PCDHGB1: variants seen among roughly 807,000 people sequenced by gnomAD.
The protein encoded by PCDHGB1 is protocadherin gamma subfamily B, 1.
In PCDHGB1, 34 loss-of-function variants were observed where a neutral mutation model predicts 56.6. The observed-to-expected ratio is 0.60, with a 90% CI of 0.46 to 0.80. PCDHGB1 has a LOEUF of 0.80. Among genes scored for constraint, PCDHGB1 ranks in the 30% least tolerant of loss-of-function variants. The pLI is 0.00. For missense variants in PCDHGB1, 1,278 were observed against 1,204.6 expected (o/e 1.06, Z -0.90); for synonymous variants, 561 against 505.9 (o/e 1.11, Z -1.46).
At chr5:141,488,389 A>G (rs1322717951) in intron 1 of PCDHGB1, among the ~76,000 whole-genome samples, 1 of 152,224 alleles carries the variant, frequency 6.6e-6, no homozygotes, top group East Asian at 1.9e-4. Context: ...GAATTTGGTG[A>G]AACCATGAAA....
At chr5:141,423,975 A>G in intron 1 of PCDHGB1, 2 of 1,126,024 alleles carry the variant, frequency 1.8e-6, no homozygotes, top group Non-Finnish European at 2.2e-6. Flanking sequence ...TTATCAGTGT[A>G]TGAGGCTCTC....
intron 1 of PCDHGB1, chr5:141,388,753 T>C: frequency 6.2e-7 from 1 of 1,613,986 alleles, no homozygotes; most frequent in Non-Finnish European, 8.5e-7. Flanking sequence ...ATCACCCAAT[T>C]TGACCTGAAC....
intron 1 of PCDHGB1, among the ~76,000 whole-genome samples, chr5:141,481,153 A>G (rs1376488411): frequency 2.0e-5 from 3 of 152,224 alleles, no homozygotes; most frequent in Non-Finnish European, 4.4e-5. Context: ...TTATTCTGGT[A>G]TTTGCAGAAC....
intron 1 of PCDHGB1, among the ~76,000 whole-genome samples, chr5:141,457,440 A>G (rs188608086): frequency 3.9e-5 from 6 of 152,334 alleles, no homozygotes; most frequent in Non-Finnish European, 8.8e-5. Flanking sequence ...ACCAAGCTGC[A>G]GAAGATCACC....
Position 141,432,880 on chromosome 5 carries a change from C to T in PCDHGB1, c.2410-61927C>T, listed in dbSNP as rs865848752. ...CGGTCTCCTGCGTCTTCCTGGCCTT[C>T]GTCATCTTGCTGCTGGCGCTCAGGC... On this transcript the variant is annotated intron_variant, in intron 1 of 3. Transcript: ENST00000523390. The surrounding 1 kb of genome is among the most constrained non-coding windows in gnomAD (Gnocchi z 6.0). 1 of 1,614,194 alleles carries T rather than the reference C, an allele frequency of 6.2e-7. No individual in the cohort carries two copies. Among genetic ancestry groups the T allele is most frequent in the Non-Finnish European group, 8.5e-7 (1 of 1,180,008 alleles).
intron 1 of PCDHGB1, chr5:141,372,284 T>C: frequency 6.2e-7 from 1 of 1,613,190 alleles, no homozygotes; most frequent in Non-Finnish European, 8.5e-7. Context: ...GCACGGCGCG[T>C]ACCTTGGGCG....
intron 1 of PCDHGB1, chr5:141,426,438 G>A (rs567163831): frequency 4.7e-5 from 14 of 300,110 alleles, no homozygotes; most frequent in Admixed American, 1.7e-4. Context: ...GGAACCTTGC[G>A]GAGGACATGC....
At position 141,477,039 on chromosome 5, in the gene PCDHGB1, G is replaced by C. The variant is rs1313580652; in HGVS notation, c.2410-17768G>C. Reference sequence around the variant, plus strand: ...GTAACCGGGATGCTGACAATCAAGGGTCGGCTGGACTTCGAGGACACCAAA... The same window carrying C: ...GTAACCGGGATGCTGACAATCAAGGCTCGGCTGGACTTCGAGGACACCAAA... On this transcript the variant is annotated intron_variant, in intron 1 of 3. Coordinates refer to ENST00000523390, the MANE Select transcript of PCDHGB1 (RefSeq NM_018922.3). This position sits in a 1 kb window ranked among gnomAD's most constrained non-coding sequence, Gnocchi z 4.9. 1 of 1,614,144 alleles carries C rather than the reference G, an allele frequency of 6.2e-7. No individual in the cohort carries two copies. The highest frequency in any genetic ancestry group is 8.5e-7 in the Non-Finnish European group (1 of 1,180,056).
At chr5:141,407,505 T>TTTTTTTTTTTTTTTTTTTTTTGAG (rs1460306566) in intron 1 of PCDHGB1, among the ~76,000 whole-genome samples, 1 of 152,148 alleles carries the variant, frequency 6.6e-6, no homozygotes, top group African/African-American at 2.4e-5. Context: ...CTGTTTTTCT[T>TTTTTTTTTTTTTTTTTTTTTTGAG]AGGCTATGTA....
chr5:141,388,663 C>T (rs770660956), intron 1 of PCDHGB1: 1 of 1,613,810 alleles, frequency 6.2e-7, no homozygotes, highest in Non-Finnish European at 8.5e-7. Flanking sequence ...CCGGGGACCA[C>T]GGTGCTACAG....
chr5:141,361,541 C>CCA (rs1554077800), intron 1 of PCDHGB1: 4 of 1,613,956 alleles, frequency 2.5e-6, no homozygotes, highest in Non-Finnish European at 1.7e-6. Context: ...CCTCCTGGCG[C>CCA]CTCTATCGCT....
rs1357901633 is a variant in PCDHGB1, at chr5:141,476,594, C to G, written c.2410-18213C>G. On this transcript the variant is annotated intron_variant, in intron 1 of 3. Transcript: ENST00000523390. This position sits in a 1 kb window ranked among gnomAD's most constrained non-coding sequence, Gnocchi z 7.6. ...GACGCGCTTTCCGCTCGAGAGCGCG[C>G]ACGATCCCGATGTGGGAAGCAACTC... The G allele has an allele frequency of 3.7e-6, 6 of 1,614,242 alleles. No homozygotes were observed. The highest frequency in any genetic ancestry group is 4.2e-6 in the Non-Finnish European group (5 of 1,180,040).
chr5:141,403,127 C>G, intron 1 of PCDHGB1: 1 of 1,614,062 alleles, frequency 6.2e-7, no homozygotes, highest in Non-Finnish European at 8.5e-7. Context: ...GCCCCGGGAG[C>G]TGGCGGAGCG....
chr5:141,350,198 G>C lies in PCDHGB1; in HGVS notation c.-63G>C. The C allele has an allele frequency of 7.0e-7, 1 of 1,421,620 alleles. No individual in the cohort carries two copies. The highest frequency in any genetic ancestry group is 1.4e-5 in the African/African-American group (1 of 69,754). The allele number at this position is 1,421,620 out of a possible 1,614,324, so 88.1% of individuals were successfully genotyped here. On this transcript the variant is annotated 5_prime_UTR_variant, in exon 1 of 4. Transcript: ENST00000523390. ...CTAAGCTCAAATCACAGAAGTCCAGGGTGCTGCCATTTCTTTTTGAAAAAC... is the reference window on the plus strand; with the variant it reads ...CTAAGCTCAAATCACAGAAGTCCAGCGTGCTGCCATTTCTTTTTGAAAAAC...
At chr5:141,450,506 G>A (rs2098682958) in intron 1 of PCDHGB1, among the ~76,000 whole-genome samples, 2 of 151,914 alleles carry the variant, frequency 1.3e-5, no homozygotes, top group Admixed American at 6.6e-5. Context: ...TTTGTTTTGA[G>A]ATGGAGTCTC....
chr5:141,478,497 C>A (rs746475685), intron 1 of PCDHGB1: 2 of 1,612,820 alleles, frequency 1.2e-6, no homozygotes, highest in Non-Finnish European at 1.7e-6. Context: ...AGCTGTGATC[C>A]GGTGTTCTAT....
chr5:141,356,236 G>A (rs1242368458), intron 1 of PCDHGB1: 2 of 1,587,552 alleles, frequency 1.3e-6, no homozygotes, highest in Non-Finnish European at 1.7e-6. Context: ...CAACGCACCA[G>A]AAGTCACAGT....
Position 141,431,325 on chromosome 5 carries a change from G to GT in PCDHGB1, c.2410-63481dup, listed in dbSNP as rs1340996903. On this transcript the variant is annotated intron_variant, in intron 1 of 3. Transcript: ENST00000523390. This position sits in a 1 kb window ranked among gnomAD's most constrained non-coding sequence, Gnocchi z 4.8. ...ATCGTGCAAAATGGAGCCGACGGTA[G>GT]TAAGTACCCCGAATTGGTGCTGAAA... 22 of 1,614,028 alleles carry GT rather than the reference G, an allele frequency of 1.4e-5. No homozygotes were observed. In the Admixed American group the frequency reaches 2.5e-4, roughly 18 times the overall value.
rs776825429 is a variant in PCDHGB1 at position 141,375,161 on chromosome 5, G to C, written c.2409+22492G>C. On this transcript the variant is annotated intron_variant, in intron 1 of 3. Transcript: ENST00000523390. ...TGGAAGCAGAACAATTGCTGAAAGT[G>C]CACCTCCAGGAACAGTAATCGCCCT... 2.5e-6 allele frequency: 4 copies of C among 1,613,940 alleles called. No individual in the cohort carries two copies. In the Admixed American group the frequency reaches 6.7e-5, roughly 27 times the overall value.
Sources: allele counts gnomAD v4.1 joint callset (sites outside exome capture counted in the v4.1 genomes callset), GRCh38; gene constraint gnomAD v4.1.1; non-coding constraint Gnocchi (gnomAD v3.1); transcripts MANE v1.5; gene names NCBI Gene and HGNC (gene_info 2026-07-23, HGNC 2026-07-21).